Variants in MSI2 observed in about 807,000 individuals in gnomAD.
MSI2 encodes the protein RNA-binding protein Musashi homolog 2.
Under a neutral mutation model 45.6 loss-of-function variants are expected in MSI2, and 17 were observed. The observed-to-expected ratio is 0.37, with a 90% CI of 0.26 to 0.56. MSI2 has a LOEUF of 0.56. Ranked by LOEUF, MSI2 falls within the 20% of genes least tolerant of loss-of-function variation. The pLI is 0.77. For synonymous variants in MSI2, 156 were observed against 158.2 expected (o/e 0.99, Z 0.11); for missense variants, 293 against 444.2 (o/e 0.66, Z 3.06).
intron 5 of MSI2, among the ~76,000 whole-genome samples, chr17:57,396,760 C>T (rs2143043367): frequency 6.6e-6 from 1 of 152,276 alleles, no homozygotes; most frequent in Non-Finnish European, 1.5e-5. Flanking sequence ...TTGTGAGAGC[C>T]TGAACACTCC....
chr17:57,477,974 C>A (rs1297496984), intron 6 of MSI2, among the ~76,000 whole-genome samples: 2 of 152,242 alleles, frequency 1.3e-5, no homozygotes, highest in Admixed American at 1.3e-4. Flanking sequence ...ATTCTCTCTT[C>A]TCCCCACTGC....
intron 11 of MSI2, among the ~76,000 whole-genome samples, chr17:57,663,051 A>AT: frequency 6.6e-6 from 1 of 152,054 alleles, no homozygotes; most frequent in East Asian, 1.9e-4. Context: ...ATGAGTCAAC[A>AT]TTTTTTCCTG....
intron 6 of MSI2, among the ~76,000 whole-genome samples, chr17:57,528,876 G>A (rs576611015): frequency 1.8e-4 from 28 of 152,260 alleles, no homozygotes; most frequent in African/African-American, 6.3e-4. Flanking sequence ...GGGAGACACA[G>A]TTGAGCCCAT....
chr17:57,420,734 T>C (rs989112838), intron 6 of MSI2, among the ~76,000 whole-genome samples: 7 of 152,186 alleles, frequency 4.6e-5, no homozygotes, highest in African/African-American at 1.7e-4. Flanking sequence ...GAAGGGTCAC[T>C]TTTTCTTGCT....
chr17:57,463,343 A>T (rs1035991075), intron 6 of MSI2, among the ~76,000 whole-genome samples: 2 of 152,030 alleles, frequency 1.3e-5, no homozygotes, highest in Non-Finnish European at 1.5e-5. Context: ...AAAAAATTTG[A>T]TCTTGGGGAA....
At chr17:57,573,762 G>A (rs2087940918) in intron 7 of MSI2, among the ~76,000 whole-genome samples, 1 of 152,234 alleles carries the variant, frequency 6.6e-6, no homozygotes, top group Admixed American at 6.5e-5. Context: ...GGGACAGACA[G>A]ACCTGGGCTT....
chr17:57,460,171 A>T (rs200258955), intron 6 of MSI2, among the ~76,000 whole-genome samples: 2 of 109,238 alleles, frequency 1.8e-5, no homozygotes, highest in South Asian at 2.9e-4. Context: ...AAATAAATAA[A>T]TAATCAGTTG....
chr17:57,463,990 C>CGTGTGTGTGT (rs58522672), intron 6 of MSI2, among the ~76,000 whole-genome samples: 3 of 146,392 alleles, frequency 2.0e-5, no homozygotes, highest in South Asian at 2.2e-4. Context: ...GTTTAATGAA[C>CGTGTGTGTGT]GTGTGTGTGT....
chr17:57,652,534 G>A lies in MSI2; in HGVS notation c.790+373G>A, dbSNP rs1911239623. 6.6e-6 allele frequency among the ~76,000 whole-genome samples: 1 copy of A among 152,180 alleles called. No homozygotes were observed. The highest frequency in any genetic ancestry group is 2.4e-5 in the African/African-American group (1 of 41,440). Reference sequence around the variant, plus strand: ...TAATTCAACAGGCTCCCTTCCTTGGGTCCCTGAGCCAGCCAGAGAAGTGCT... The same window carrying A: ...TAATTCAACAGGCTCCCTTCCTTGGATCCCTGAGCCAGCCAGAGAAGTGCT... On this transcript the variant is annotated intron_variant, in intron 11 of 13. Transcript: ENST00000284073. This position sits in a 1 kb window ranked among gnomAD's most constrained non-coding sequence, Gnocchi z 4.1.
At chr17:57,273,757 A>T (rs926157218) in intron 5 of MSI2, among the ~76,000 whole-genome samples, 4 of 152,258 alleles carry the variant, frequency 2.6e-5, no homozygotes, top group Non-Finnish European at 5.9e-5. Flanking sequence ...ACCCCAGTGG[A>T]TTAGAGTAGA....
intron 10 of MSI2, chr17:57,628,023 G>A (rs1194726335): frequency 6.6e-6 from 1 of 152,600 alleles, no homozygotes; most frequent in East Asian, 1.9e-4. Context: ...TAGGGACAAT[G>A]AAGGAAGCGA....
At chr17:57,595,030 C>G (rs543087466) in intron 7 of MSI2, among the ~76,000 whole-genome samples, 10 of 152,260 alleles carry the variant, frequency 6.6e-5, no homozygotes, top group Non-Finnish European at 1.5e-4. Context: ...AGATAGTAGC[C>G]TTTTTTATTC....
chr17:57,547,016 C>A (rs987280920), intron 7 of MSI2, among the ~76,000 whole-genome samples: 39 of 152,194 alleles, frequency 2.6e-4, no homozygotes, highest in African/African-American at 8.9e-4. Flanking sequence ...GGCGAGGGGG[C>A]CTGGGCCTAC....
At chr17:57,421,376 G>A (rs2084392534) in intron 6 of MSI2, among the ~76,000 whole-genome samples, 1 of 152,140 alleles carries the variant, frequency 6.6e-6, no homozygotes, top group Non-Finnish European at 1.5e-5. Context: ...GTGAACATGG[G>A]GCGTGTGGAA....
chr17:57,624,839 C>CT lies in MSI2; in HGVS notation c.653-2389dup, dbSNP rs143644618. ...ACAAGGCTTTCTACAGGTGACAAGA[C>CT]TAAGCTCCAAGAGAAAAAGGAAGAC... On this transcript the variant is annotated intron_variant, in intron 9 of 13. Transcript: ENST00000284073. Among the ~76,000 whole-genome samples, 1,095 of 152,266 alleles carry CT rather than the reference C, an allele frequency of 7.2e-3. 17 individuals are homozygous for CT. Among genetic ancestry groups the CT allele is most frequent in the African/African-American group, 0.025 (1,035 of 41,546 alleles).
intron 6 of MSI2, among the ~76,000 whole-genome samples, chr17:57,492,787 G>A (rs2085901132): frequency 6.6e-6 from 1 of 152,156 alleles, no homozygotes; most frequent in Non-Finnish European, 1.5e-5. Flanking sequence ...AGTAGAGACG[G>A]TGTTTTACCA....
rs150957937 is a variant in MSI2 at position 57,281,562 on chromosome 17, G to C, written c.312+19370G>C. 1.4e-3 allele frequency among the ~76,000 whole-genome samples: 214 copies of C among 152,288 alleles called. 1 individual carries two copies. The highest frequency in any genetic ancestry group is 3.4e-3 in the Middle Eastern group (1 of 294). On this transcript the variant is annotated intron_variant, in intron 5 of 13. Transcript: ENST00000284073. ...GGCTAATTCTGTTCCAGCTCGCTCT[G>C]TTTAGCTCTTTCTTCGAGCAGAACC...
intron 6 of MSI2, among the ~76,000 whole-genome samples, chr17:57,503,100 T>C (rs1003249229): frequency 6.6e-6 from 1 of 152,212 alleles, no homozygotes; most frequent in African/African-American, 2.4e-5. Flanking sequence ...TTCCATTGAT[T>C]GTCCCCAGTT....
chr17:57,343,306 C>CCT lies in MSI2; in HGVS notation c.313-58072_313-58071dup, dbSNP rs1176625428. Among the ~76,000 whole-genome samples, 3 of 151,694 alleles carry CCT rather than the reference C, an allele frequency of 2.0e-5. No individual in the cohort carries two copies. The East Asian group carries it at 5.8e-4, about 29-fold the overall frequency. ...TTTATCTACCAAGTCAACTGTCTTT[C>CCT]CTTCTCTCCCTTTTGCTTTTTTTTT... On this transcript the variant is annotated intron_variant, in intron 5 of 13. Coordinates refer to ENST00000284073, the MANE Select transcript of MSI2 (RefSeq NM_138962.4).
Sources: allele counts gnomAD v4.1 joint callset (sites outside exome capture counted in the v4.1 genomes callset), GRCh38; gene constraint gnomAD v4.1.1; non-coding constraint Gnocchi (gnomAD v3.1); transcripts MANE v1.5; gene names NCBI Gene and HGNC (gene_info 2026-07-23, HGNC 2026-07-21).